The following TSPAN9 variants were observed in gnomAD, a reference collection of about 807,000 sequenced individuals.
TSPAN9 encodes the protein tetraspanin 9.
In TSPAN9, 16 loss-of-function variants were observed where a neutral mutation model predicts 31.0. The observed-to-expected ratio is 0.52, with a 90% CI of 0.35 to 0.78. The LOEUF is 0.78. TSPAN9 is among the 30% of genes least tolerant of loss of function. The pLI is 0.01. For synonymous variants in TSPAN9, 145 were observed against 121.6 expected (o/e 1.19, Z -1.27); for missense variants, 272 against 312.5 (o/e 0.87, Z 0.98).
intron 2 of TSPAN9, among the ~76,000 whole-genome samples, chr12:3,091,344 C>T (rs1428954971): frequency 6.6e-6 from 1 of 152,206 alleles, no homozygotes; most frequent in Non-Finnish European, 1.5e-5. Flanking sequence ...CGTGACTTCC[C>T]GCAAGGTGTT....
chr12:3,089,653 G>A (rs1009178579), intron 2 of TSPAN9, among the ~76,000 whole-genome samples: 1 of 151,988 alleles, frequency 6.6e-6, no homozygotes, highest in Non-Finnish European at 1.5e-5. Flanking sequence ...GCTTATGCCT[G>A]TACTCCCAGC....
chr12:3,150,022 C>T (rs1358537390), intron 2 of TSPAN9, among the ~76,000 whole-genome samples: 1 of 152,230 alleles, frequency 6.6e-6, no homozygotes, highest in Non-Finnish European at 1.5e-5. Context: ...AGACACAGCT[C>T]TGGGCAGAGG....
intron 2 of TSPAN9, among the ~76,000 whole-genome samples, chr12:3,091,717 T>C (rs1447241073): frequency 1.3e-5 from 2 of 152,210 alleles, no homozygotes; most frequent in South Asian, 2.1e-4. Flanking sequence ...TGTTTTATTG[T>C]CTCCCTGCTC....
intron 3 of TSPAN9, among the ~76,000 whole-genome samples, chr12:3,204,993 C>T (rs548669897): frequency 3.3e-5 from 5 of 152,018 alleles, no homozygotes; most frequent in South Asian, 2.1e-4. Flanking sequence ...TAGAGAAGAG[C>T]GTATAGGGGT....
intron 2 of TSPAN9, among the ~76,000 whole-genome samples, chr12:3,175,958 T>G (rs541660952): frequency 1.2e-4 from 19 of 152,224 alleles, no homozygotes; most frequent in Non-Finnish European, 1.3e-4. Flanking sequence ...TGCTCAGCCC[T>G]GCCTGTATGC....
At position 3,204,904 on chromosome 12, in the gene TSPAN9, T is replaced by C. The variant is rs1436192350; in HGVS notation, c.63+3648T>C. ...TCTGGGTCCTCCTGGGGCCATCTGGTAGAATACTGGTAGTAGAGATTAAAT... is the reference window on the plus strand; with the variant it reads ...TCTGGGTCCTCCTGGGGCCATCTGGCAGAATACTGGTAGTAGAGATTAAAT... On this transcript the variant is annotated intron_variant, in intron 3 of 8. Coordinates refer to ENST00000011898, the MANE Select transcript of TSPAN9 (RefSeq NM_006675.5). 4.6e-5 allele frequency among the ~76,000 whole-genome samples: 7 copies of C among 152,170 alleles called. No individual in the cohort carries two copies. The South Asian group carries it at 1.0e-3, about 23-fold the overall frequency.
intron 2 of TSPAN9, among the ~76,000 whole-genome samples, chr12:3,109,299 TGAGAGAGA>T (rs150191079): frequency 2.0e-4 from 24 of 118,336 alleles, no homozygotes; most frequent in African/African-American, 4.5e-4. Flanking sequence ...TGTGTGTGTG[TGAGAGAGA>T]GTGTGTGTGT....
chr12:3,171,384 C>G (rs1377081944), intron 2 of TSPAN9, among the ~76,000 whole-genome samples: 2 of 152,180 alleles, frequency 1.3e-5, no homozygotes, highest in African/African-American at 2.4e-5. Context: ...TGCTATCAGT[C>G]TGCAAATGAT....
At chr12:3,188,370 G>C (rs188800389) in intron 2 of TSPAN9, among the ~76,000 whole-genome samples, 18 of 152,316 alleles carry the variant, frequency 1.2e-4, no homozygotes, top group Non-Finnish European at 2.2e-4. Flanking sequence ...CTTGCTGTGT[G>C]TTCATCTCTG....
intron 2 of TSPAN9, among the ~76,000 whole-genome samples, chr12:3,184,218 C>G (rs2098359889): frequency 6.6e-6 from 1 of 151,898 alleles, no homozygotes; most frequent in African/African-American, 2.4e-5. Flanking sequence ...GGCAACATGG[C>G]AAAATCCCAT....
chr12:3,216,931 C>T (rs1333452265), intron 3 of TSPAN9, among the ~76,000 whole-genome samples: 1 of 152,186 alleles, frequency 6.6e-6, no homozygotes, highest in Non-Finnish European at 1.5e-5. Context: ...AGGCCACCAC[C>T]CCAAGGGCCC....
intron 2 of TSPAN9, among the ~76,000 whole-genome samples, chr12:3,169,542 G>A (rs1022914379): frequency 6.6e-5 from 10 of 152,146 alleles, no homozygotes; most frequent in Non-Finnish European, 1.5e-5. Flanking sequence ...ATGAGTTAAT[G>A]GTATGACAGC....
chr12:3,230,780 C>T (rs967921491), intron 3 of TSPAN9, among the ~76,000 whole-genome samples: 1 of 152,108 alleles, frequency 6.6e-6, no homozygotes, highest in Non-Finnish European at 1.5e-5. Flanking sequence ...CCACATGCAG[C>T]CCCTGCTCCG....
At chr12:3,154,006 A>ATGTGTGTGTG in intron 2 of TSPAN9, among the ~76,000 whole-genome samples, 1 of 68,758 alleles carries the variant, frequency 1.5e-5, no homozygotes, top group African/African-American at 5.0e-5. Flanking sequence ...AGTATTATAT[A>ATGTGTGTGTG]TATATGTGTG....
intron 3 of TSPAN9, among the ~76,000 whole-genome samples, chr12:3,208,273 G>A (rs1028896449): frequency 1.3e-5 from 2 of 152,178 alleles, no homozygotes; most frequent in East Asian, 3.9e-4. Flanking sequence ...TGCTCTGAAT[G>A]TCTTCGGGCC....
chr12:3,152,208 A>G (rs2098340113), intron 2 of TSPAN9, among the ~76,000 whole-genome samples: 1 of 152,170 alleles, frequency 6.6e-6, no homozygotes, highest in Non-Finnish European at 1.5e-5. Context: ...CTCATAGGGA[A>G]GCAGCTGCCA....
intron 2 of TSPAN9, among the ~76,000 whole-genome samples, chr12:3,177,301 C>T (rs1409035091): frequency 1.3e-5 from 2 of 151,994 alleles, no homozygotes; most frequent in South Asian, 4.2e-4. Flanking sequence ...CCATGCCCAG[C>T]TAATTCTGTG....
In TSPAN9 at chr12:3,286,505, G is replaced by A. The variant is rs1337481423; in HGVS notation, c.*3389G>A. 1 of 152,454 alleles carries A rather than the reference G, an allele frequency of 6.6e-6. No homozygotes were observed. Among genetic ancestry groups the A allele is most frequent in the Non-Finnish European group, 1.5e-5 (1 of 68,024 alleles). The allele number at this position is 152,454 out of a possible 1,614,324, so 9.4% of individuals were successfully genotyped here. A position where few individuals can be genotyped will look rare whatever the true frequency, so the allele number is the denominator to read the frequency against. On this transcript the variant is annotated 3_prime_UTR_variant, in exon 9 of 9. Coordinates refer to ENST00000011898, the MANE Select transcript of TSPAN9 (RefSeq NM_006675.5). The surrounding 1 kb of genome is among the most constrained non-coding windows in gnomAD (Gnocchi z 4.1). ...CCTTCATCCTGGTCCTGGCTTTATG[G>A]AACACCATGTTTTTAGCATGTTTTT...
chr12:3,117,191 C>T (rs1294846272), intron 2 of TSPAN9, among the ~76,000 whole-genome samples: 1 of 152,140 alleles, frequency 6.6e-6, no homozygotes, highest in African/African-American at 2.4e-5. Context: ...CAGACGGTTC[C>T]TCGTCATCCA....
Sources: allele counts gnomAD v4.1 joint callset (sites outside exome capture counted in the v4.1 genomes callset), GRCh38; gene constraint gnomAD v4.1.1; non-coding constraint Gnocchi (gnomAD v3.1); transcripts MANE v1.5; gene names NCBI Gene and HGNC (gene_info 2026-07-23, HGNC 2026-07-21).